The following GALK2 variants were observed in gnomAD, a reference collection of about 807,000 sequenced individuals.
The protein encoded by GALK2 is galactokinase 2, also known as N-acetylgalactosamine kinase.
A neutral mutation model predicts 52.4 loss-of-function variants in GALK2; 36 were observed. That is an observed-to-expected ratio of 0.69 (90% confidence interval 0.53 to 0.91). The LOEUF (loss-of-function observed/expected upper bound fraction) is 0.91. Among genes scored for constraint, GALK2 ranks in the 40% least tolerant of loss-of-function variants. The pLI is 0.00. For synonymous variants in GALK2, 176 were observed against 199.1 expected, an observed-to-expected ratio of 0.88 and a Z score of 0.98; for missense variants, 579 against 559.1, an observed-to-expected ratio of 1.04 and a Z score of -0.36.
At position 49,257,343 on chromosome 15, in the gene GALK2, T is replaced by TA. The variant is rs558219215; in HGVS notation, c.504+17977dup. Reference sequence around the variant, plus strand: ...CCGCTGAATTTTGTCACCTGCCTCTTACATTCTCAGATGAAGGAGTTATTA... The same window carrying TA: ...CCGCTGAATTTTGTCACCTGCCTCTTAACATTCTCAGATGAAGGAGTTATTA... On this transcript the variant is annotated intron_variant, in intron 5 of 9. Transcript: ENST00000560031. 3.3e-5 allele frequency among the ~76,000 whole-genome samples: 5 copies of TA among 152,270 alleles called. No homozygotes were observed. In the South Asian group the frequency reaches 8.3e-4, roughly 25 times the overall value.
Position 49,239,338 on chromosome 15 carries a change from C to A in GALK2, c.475C>A (p.Leu159Ile), listed in dbSNP as rs967098843. The A allele has an allele frequency of 6.2e-7, 1 of 1,613,988 alleles. No individual in the cohort carries two copies. The highest frequency in any genetic ancestry group is 1.3e-5 in the African/African-American group (1 of 74,910). ...ALVCCAGLVT[L>I]TVLGRNLSKV... ...GGTCTGTTGTGCTGGCTTGGTGACG[C>A]TCACAGTGCTGGGAAGGAATCTATC... is the stretch of plus-strand genomic sequence containing the variant. Residue 159 changes from leucine (L) to isoleucine (I), a missense_variant, in exon 5 of 10, where the codon CTC becomes ATC. Transcript: ENST00000560031.
chr15:49,338,453 T>C (rs958701907), intron 3 of GALK2, among the ~76,000 whole-genome samples: 11 of 152,204 alleles, frequency 7.2e-5, no homozygotes, highest in African/African-American at 2.4e-4. Context: ...GAATATTGGC[T>C]CCCAATCTCT....
intron 5 of GALK2, among the ~76,000 whole-genome samples, chr15:49,246,484 T>G (rs935107597): frequency 6.6e-6 from 1 of 152,180 alleles, no homozygotes; most frequent in African/African-American, 2.4e-5. Flanking sequence ...AGTATAGGGT[T>G]GAGCTGCATC....
chr15:49,333,941 TTG>T (rs1348792685), downstream of GALK2, among the ~76,000 whole-genome samples: 12 of 145,730 alleles, frequency 8.2e-5, no homozygotes, highest in Admixed American at 7.3e-4. Flanking sequence ...GCTAAATCTG[TTG>T]TTTTTCTAGT....
At chr15:49,183,268 G>T (rs1309724827) in intron 1 of GALK2, among the ~76,000 whole-genome samples, 1 of 151,926 alleles carries the variant, frequency 6.6e-6, no homozygotes, top group Non-Finnish European at 1.5e-5. Flanking sequence ...TTTATTTGGT[G>T]TTTTTCTACT....
upstream of GALK2, among the ~76,000 whole-genome samples, chr15:49,166,161 GA>G (rs1393988768): frequency 1.3e-5 from 2 of 152,050 alleles, no homozygotes; most frequent in African/African-American, 4.8e-5. Flanking sequence ...ACTTTGAGTA[GA>G]AAAACTTAGA....
intron 3 of GALK2, among the ~76,000 whole-genome samples, chr15:49,363,605 T>C (rs932080957): frequency 2.6e-5 from 4 of 152,212 alleles, no homozygotes; most frequent in African/African-American, 9.6e-5. Flanking sequence ...CTTATTTGAA[T>C]GCCTTTTACT....
chr15:49,233,453 C>T (rs1408382704), intron 3 of GALK2, among the ~76,000 whole-genome samples: 1 of 152,222 alleles, frequency 6.6e-6, no homozygotes, highest in Non-Finnish European at 1.5e-5. Context: ...ACAGTTCTTT[C>T]TGGAACGTTG....
chr15:49,354,813 G>T (rs1248506153), intron 3 of GALK2, among the ~76,000 whole-genome samples: 1 of 152,056 alleles, frequency 6.6e-6, no homozygotes, highest in East Asian at 1.9e-4. Flanking sequence ...AAAGACAGCA[G>T]TAACCTCTGC....
At chr15:49,226,179 T>C (rs1323217531) in intron 3 of GALK2, among the ~76,000 whole-genome samples, 2 of 152,178 alleles carry the variant, frequency 1.3e-5, no homozygotes, top group East Asian at 1.9e-4. Flanking sequence ...GTACTTTTAC[T>C]GCCTACTCTC....
intron 1 of GALK2, among the ~76,000 whole-genome samples, chr15:49,190,514 T>G (rs1402250132): frequency 2.6e-5 from 4 of 152,244 alleles, no homozygotes; most frequent in Non-Finnish European, 4.4e-5. Flanking sequence ...TTAACATATG[T>G]TCATTTTATA....
At chr15:49,161,492 T>C (rs1383100239) in intron 1 of GALK2, among the ~76,000 whole-genome samples, 2 of 152,202 alleles carry the variant, frequency 1.3e-5, no homozygotes, top group Non-Finnish European at 2.9e-5. Context: ...GTTAAGATAC[T>C]CTCTTTTATT....
intron 8 of GALK2, among the ~76,000 whole-genome samples, chr15:49,297,835 G>C (rs190451838): frequency 6.6e-6 from 1 of 152,092 alleles, no homozygotes; most frequent in African/African-American, 2.4e-5. Context: ...TTGTAGTATA[G>C]TTTAAAGTTG....
In GALK2 at chr15:49,307,479, G is replaced by A. The variant is rs534422717; in HGVS notation, c.968-12125G>A. Among the ~76,000 whole-genome samples, 139 of 152,292 alleles carry A rather than the reference G, an allele frequency of 9.1e-4. 5 individuals carry two copies. The South Asian group carries it at 0.028, about 30-fold the overall frequency. On this transcript the variant is annotated intron_variant, in intron 8 of 9. Coordinates refer to ENST00000560031, the MANE Select transcript of GALK2 (RefSeq NM_002044.4). ...AGGGGAGAGGGATACCAGTTAGAAG[G>A]TAGTGCAATGGTACAGACATGGGAT... is the stretch of plus-strand genomic sequence containing the variant.
intron 1 of GALK2, among the ~76,000 whole-genome samples, chr15:49,183,642 G>C (rs2086135383): frequency 6.6e-6 from 1 of 152,156 alleles, no homozygotes; most frequent in Non-Finnish European, 1.5e-5. Context: ...TCGGGAGTTT[G>C]AGACCAGCCT....
chr15:49,173,584 A>G (rs1373962413), intron 1 of GALK2, among the ~76,000 whole-genome samples: 1 of 152,158 alleles, frequency 6.6e-6, no homozygotes, highest in Non-Finnish European at 1.5e-5. Flanking sequence ...GTATCCTTGT[A>G]ATATTATTGT....
At chr15:49,310,562 T>G (rs2035908915) in intron 8 of GALK2, among the ~76,000 whole-genome samples, 4 of 152,224 alleles carry the variant, frequency 2.6e-5, no homozygotes, top group Admixed American at 2.6e-4. Flanking sequence ...TTTTTTTGTC[T>G]TTTTGATAGT....
At chr15:49,353,599 T>G (rs1342995548) in intron 3 of GALK2, 1 of 149,168 alleles carries the variant, frequency 6.7e-6, no homozygotes. Context: ...TTTTTGAAGT[T>G]GAAGGAAAAT....
chr15:49,164,912 C>T (rs2084774574), intron 1 of GALK2, among the ~76,000 whole-genome samples: 1 of 150,724 alleles, frequency 6.6e-6, no homozygotes, highest in Non-Finnish European at 1.5e-5. Flanking sequence ...TTTCTAATTT[C>T]AGAGTCTAAA....
Sources: gnomAD v4.1 joint callset for allele counts (sites outside exome capture counted in the v4.1 genomes callset) on GRCh38, gnomAD v4.1.1 for gene constraint, MANE v1.5 for transcripts, NCBI Gene and HGNC (gene_info 2026-07-23, HGNC 2026-07-21) for gene names.